The following ING1 variants were observed in gnomAD, a reference collection of about 807,000 sequenced individuals.
ING1 encodes the protein inhibitor of growth family member 1, also known as inhibitor of growth protein 1.
A neutral mutation model predicts 23.1 loss-of-function variants in ING1; 4 were observed. The observed-to-expected ratio is 0.17, with a 90% CI of 0.09 to 0.40. ING1 has a LOEUF of 0.40. ING1 is among the 10% of genes least tolerant of loss of function. ING1 has a pLI of 1.00. For synonymous variants in ING1, 179 were observed against 166.4 expected, an observed-to-expected ratio of 1.08 and a Z score of -0.58; for missense variants, 256 against 393.8, an observed-to-expected ratio of 0.65 and a Z score of 2.96.
Position 110,720,975 on chromosome 13 carries a change from G to A in ING1, c.*1043G>A, listed in dbSNP as rs183529469. 1 of 167,228 alleles carries A rather than the reference G, an allele frequency of 6.0e-6. No individual in the cohort carries two copies. Among genetic ancestry groups the A allele is most frequent in the Non-Finnish European group, 1.5e-5 (1 of 68,116 alleles). The allele number at this position is 167,228 out of a possible 1,614,324, so 10.4% of individuals were successfully genotyped here. The stretch of plus-strand genomic sequence containing the variant: ...GAATCTGTATTCAGACCCTGGGTCA[G>A]GAAATTACTGCCCACTTGTCAAGTT... On this transcript the variant is annotated 3_prime_UTR_variant, in exon 2 of 2. Coordinates refer to ENST00000333219, the MANE Select transcript of ING1 (RefSeq NM_198219.3).
In ING1 at chr13:110,715,126, G is replaced by T. The variant is rs548131032; in HGVS notation, c.136+841G>T. 3 of 1,106,392 alleles carry T rather than the reference G, an allele frequency of 2.7e-6. No individual in the cohort carries two copies. In the East Asian group the frequency reaches 1.6e-4, roughly 59 times the overall value. 68.5% of individuals were successfully genotyped at this position (1,106,392 alleles called of 1,614,324 possible). A position where few individuals can be genotyped will look rare whatever the true frequency, so the allele number is the denominator to read the frequency against. ...GCCCCGGGTGTCAGAGAGAGGTGGC[G>T]AGTTCGTGTCCGCCGGGAATTGTTG... On this transcript the variant is annotated intron_variant, in intron 1 of 1. Coordinates refer to ENST00000333219, the MANE Select transcript of ING1 (RefSeq NM_198219.3).
upstream of ING1, chr13:110,713,046 G>A (rs749184874): frequency 7.1e-4 from 1,042 of 1,467,922 alleles, 8 homozygotes; most frequent in Middle Eastern, 2.2e-3. Flanking sequence ...CGCATGCGCC[G>A]CCACTTCCGC....
In ING1 at chr13:110,714,017, CCGAAGCAGGAGCCGGCGGGG is replaced by C; in HGVS notation, c.-132_-113del. 3 of 1,193,072 alleles carry C rather than the reference CCGAAGCAGGAGCCGGCGGGG, an allele frequency of 2.5e-6. No individual in the cohort carries two copies. The highest frequency in any genetic ancestry group is 3.1e-6 in the Non-Finnish European group (3 of 960,440). The allele number at this position is 1,193,072 out of a possible 1,614,324, so 73.9% of individuals were successfully genotyped here. ...GGGCTCGGCAGATGTAGCCGCCGGG[CCGAAGCAGGAGCCGGCGGGG>C]GGGCGCCGGGAGAGCGAGGGCTTTG... is the stretch of plus-strand genomic sequence containing the variant. On this transcript the variant is annotated 5_prime_UTR_variant, in exon 1 of 2. Transcript: ENST00000333219.
chr13:110,713,335 T>G, upstream of ING1: 1 of 1,123,220 alleles, frequency 8.9e-7, no homozygotes, highest in Non-Finnish European at 1.1e-6. Context: ...CCGCGGCCCG[T>G]TAGGTCCTGG....
intron 1 of ING1, chr13:110,715,816 C>T: frequency 6.3e-7 from 1 of 1,585,334 alleles, no homozygotes. Context: ...GGTGTCGCCC[C>T]GGCCCCTCTC....
At chr13:110,715,773 CTGG>C in intron 1 of ING1, 1 of 1,588,542 alleles carries the variant, frequency 6.3e-7, no homozygotes, top group Non-Finnish European at 8.5e-7. Context: ...GAGTCTCCCG[CTGG>C]CCTCCTCCCC....
upstream of ING1, chr13:110,713,503 C>G: frequency 2.0e-6 from 2 of 986,950 alleles, no homozygotes; most frequent in Non-Finnish European, 2.4e-6. Flanking sequence ...CCCTCCGCGA[C>G]CCTCGCCTCT....
At chr13:110,717,428 A>G (rs2064132894) in intron 1 of ING1, among the ~76,000 whole-genome samples, 1 of 152,148 alleles carries the variant, frequency 6.6e-6, no homozygotes, top group Non-Finnish European at 1.5e-5. Context: ...TGTTTACTCT[A>G]GTGTTAGGTA....
intron 1 of ING1, chr13:110,716,028 T>C: frequency 6.7e-7 from 1 of 1,484,948 alleles, no homozygotes; most frequent in South Asian, 1.4e-5. Flanking sequence ...TGGGGCTGCG[T>C]CCACGAGGGG....
At position 110,720,018 on chromosome 13, in the gene ING1, A is replaced by G. The variant is rs538267816; in HGVS notation, c.*86A>G. 13 of 938,240 alleles carry G rather than the reference A, an allele frequency of 1.4e-5. No individual in the cohort carries two copies. The highest frequency in any genetic ancestry group is 1.9e-5 in the Non-Finnish European group (12 of 641,600). 58.1% of individuals were successfully genotyped at this position (938,240 alleles called of 1,614,324 possible). A position where few individuals can be genotyped will look rare whatever the true frequency, so the allele number is the denominator to read the frequency against. On this transcript the variant is annotated 3_prime_UTR_variant, in exon 2 of 2. Coordinates refer to ENST00000333219, the MANE Select transcript of ING1 (RefSeq NM_198219.3). ...GCCTTTGTTGAGGTGCAAGGAGTGTAAAATGTATATTTTTAAAGAATGTTA... is the reference window on the plus strand; with the variant it reads ...GCCTTTGTTGAGGTGCAAGGAGTGTGAAATGTATATTTTTAAAGAATGTTA...
Position 110,713,767 on chromosome 13 carries a change from C to T in ING1, c.-383C>T. 1.0e-6 allele frequency: 1 copy of T among 985,090 alleles called. No individual in the cohort carries two copies. The highest frequency in any genetic ancestry group is 1.2e-6 in the Non-Finnish European group (1 of 829,848). The allele number at this position is 985,090 out of a possible 1,614,324, so 61.0% of individuals were successfully genotyped here. ...GCGCGCCCCTTCCCGCTGCCCGCTC[C>T]GCTCCTCTCTTCTACCCAGCCCAGT... On this transcript the variant is annotated 5_prime_UTR_variant, in exon 1 of 2. Coordinates refer to ENST00000333219, the MANE Select transcript of ING1 (RefSeq NM_198219.3).
In ING1 at chr13:110,719,606, G is replaced by A. The variant is rs1421323131; in HGVS notation, c.514G>A (p.Ala172Thr). ...CAGCAACCACGACCACGACGACGGC[G>A]CCTCGGGCACACCCAAGGAGAAGAA... ...ASSNHDHDDG[A>T]SGTPKEKKAK... The change falls in exon 2 of 2, where the codon GCC becomes ACC. Residue 172 changes from alanine to threonine, a missense_variant. Physicochemically the swap from Ala to Thr is moderately conservative, Grantham distance 58. Coordinates refer to ENST00000333219, the MANE Select transcript of ING1 (RefSeq NM_198219.3). The surrounding 1 kb of genome is among the most constrained non-coding windows in gnomAD (Gnocchi z 8.9). The A allele has an allele frequency of 1.9e-6, 3 of 1,611,582 alleles. No homozygotes were observed. Among genetic ancestry groups the A allele is most frequent in the Non-Finnish European group, 2.5e-6 (3 of 1,179,474 alleles).
chr13:110,718,116 A>T (rs747751409), intron 1 of ING1, among the ~76,000 whole-genome samples: 2 of 152,224 alleles, frequency 1.3e-5, no homozygotes, highest in Non-Finnish European at 2.9e-5. Context: ...AATACTGAAG[A>T]GGTTTTCTTT....
At chr13:110,714,703 C>T (rs945903743) in intron 1 of ING1, among the ~76,000 whole-genome samples, 3 of 152,254 alleles carry the variant, frequency 2.0e-5, no homozygotes, top group Admixed American at 2.0e-4. Flanking sequence ...GGCTGTGGGC[C>T]GGGGTTCCCG....
intron 1 of ING1, chr13:110,715,439 C>T (rs1566378881): frequency 3.8e-6 from 6 of 1,578,316 alleles, no homozygotes; most frequent in Non-Finnish European, 4.3e-6. Flanking sequence ...CAGTAGTTGG[C>T]TGTGATGTCC....
intron 1 of ING1, chr13:110,714,906 C>A (rs995394854): frequency 8.9e-6 from 8 of 895,296 alleles, no homozygotes; most frequent in Admixed American, 6.2e-5. Flanking sequence ...CTGCGAGGGG[C>A]GACGCCGCCG....
intron 1 of ING1, chr13:110,715,273 G>T: frequency 7.2e-7 from 1 of 1,383,852 alleles, no homozygotes; most frequent in South Asian, 1.8e-5. Context: ...CGGAAGAGTT[G>T]GGTGGGGGCA....
At chr13:110,713,366 G>T (rs777275617), upstream of ING1, 15 of 1,065,146 alleles carry the variant, frequency 1.4e-5, no homozygotes, top group Non-Finnish European at 1.7e-5. Flanking sequence ...AGCGAAGCAG[G>T]CCGCTCCCCT....
At chr13:110,712,887 C>G, upstream of ING1, 2 of 1,424,102 alleles carry the variant, frequency 1.4e-6, no homozygotes, top group Non-Finnish European at 9.6e-7. Context: ...AACTGAGTAC[C>G]GGGAGACGAC....
Sources: gnomAD v4.1 joint callset for allele counts (sites outside exome capture counted in the v4.1 genomes callset) on GRCh38, gnomAD v4.1.1 for gene constraint, Gnocchi (gnomAD v3.1) non-coding constraint, MANE v1.5 for transcripts, NCBI Gene and HGNC (gene_info 2026-07-23, HGNC 2026-07-21) for gene names.